Variants in CAMKK2 observed in about 807,000 individuals in gnomAD.
The protein encoded by CAMKK2 is calcium/calmodulin dependent protein kinase kinase 2.
A neutral mutation model predicts 67.2 loss-of-function variants in CAMKK2; 30 were observed. The observed-to-expected ratio is 0.45, with a 90% CI of 0.33 to 0.61. The LOEUF (loss-of-function observed/expected upper bound fraction) is 0.61, where lower values mean the gene tolerates loss of function less well. Among genes scored for constraint, CAMKK2 ranks in the 20% least tolerant of loss-of-function variants. The pLI is 0.02. For synonymous variants in CAMKK2, 322 were observed against 326.2 expected, an observed-to-expected ratio of 0.99 and a Z score of 0.14; for missense variants, 643 against 802.0, an observed-to-expected ratio of 0.80 and a Z score of 2.39.
chr12:121,282,340 T>G lies in CAMKK2; in HGVS notation c.-59-7755A>C, dbSNP rs114819775. Among the ~76,000 whole-genome samples, 1,040 of 152,306 alleles carry G rather than the reference T, an allele frequency of 6.8e-3. 9 individuals are homozygous for G. Among genetic ancestry groups the G allele is most frequent in the African/African-American group, 0.022 (895 of 41,560 alleles). ...CAGCCCAGGGCAATGCTACAGGGACTGGGCTCAGACCCTGCTGTGAGTTGA... is the reference window on the plus strand; with the variant it reads ...CAGCCCAGGGCAATGCTACAGGGACGGGGCTCAGACCCTGCTGTGAGTTGA... On this transcript the variant is annotated intron_variant, in intron 1 of 16. Coordinates refer to ENST00000404169, the MANE Select transcript of CAMKK2 (RefSeq NM_001270485.2).
At chr12:121,265,251 A>G (rs1314046832) in intron 5 of CAMKK2, among the ~76,000 whole-genome samples, 1 of 152,176 alleles carries the variant, frequency 6.6e-6, no homozygotes, top group Admixed American at 6.5e-5. Context: ...GCAAAGGCAG[A>G]AGTACAGGTG....
Position 121,253,252 on chromosome 12 carries a change from C to T in CAMKK2, c.1107+21G>A. On this transcript the variant is annotated intron_variant, in intron 10 of 16. Transcript: ENST00000404169. This position sits in a 1 kb window ranked among gnomAD's most constrained non-coding sequence, Gnocchi z 5.0. ...CACTAACACAGGCAGAACTCTGTGG[C>T]TGAGGCAGGCCCAAGCTTACCTTCC... 2.5e-6 allele frequency: 4 copies of T among 1,610,720 alleles called. No individual in the cohort carries two copies. The highest frequency in any genetic ancestry group is 3.4e-6 in the Non-Finnish European group (4 of 1,177,088).
rs1398057071 is a variant in CAMKK2 at position 121,250,349 on chromosome 12, T to C, written c.1162-315A>G. Among the ~76,000 whole-genome samples the C allele has an allele frequency of 4.6e-5, 7 of 152,268 alleles. No individual in the cohort carries two copies. The East Asian group carries it at 9.7e-4, about 21-fold the overall frequency. On this transcript the variant is annotated intron_variant, in intron 11 of 16. Transcript: ENST00000404169. ...AAAGCAAACACTGCTCGTCACCTAC[T>C]TGCCAGGTGAACAACAGGAACAACA...
chr12:121,255,514 C>A, intron 9 of CAMKK2, 36 bp downstream of exon 9: 1 of 1,546,778 alleles, frequency 6.5e-7, no homozygotes, highest in Non-Finnish European at 8.9e-7. Flanking sequence ...TGCTAACTAC[C>A]CACTGGGTGA....
At chr12:121,257,164 A>G (rs1566065283) in intron 7 of CAMKK2, among the ~76,000 whole-genome samples, 3 of 152,126 alleles carry the variant, frequency 2.0e-5, no homozygotes, top group Admixed American at 6.5e-5. Flanking sequence ...TGATGGGATT[A>G]TTATGCACTG....
chr12:121,255,501 G>T (rs375965744), intron 9 of CAMKK2, 49 bp downstream of exon 9: 4 of 1,496,744 alleles, frequency 2.7e-6, no homozygotes, highest in African/African-American at 1.4e-5. Flanking sequence ...CCCACGCTCA[G>T]AATGCTAACT....
intron 1 of CAMKK2, among the ~76,000 whole-genome samples, chr12:121,279,096 C>A (rs577858821): frequency 6.6e-6 from 1 of 152,348 alleles, no homozygotes; most frequent in Admixed American, 6.5e-5. Context: ...AACTCTACAC[C>A]AGGCCAAGGG....
chr12:121,297,719 C>A (rs1367086314), upstream of CAMKK2: 2 of 516,406 alleles, frequency 3.9e-6, no homozygotes, highest in Non-Finnish European at 7.7e-6. Context: ...GGAGAGTCAA[C>A]CTCCAAGTTA....
intron 2 of CAMKK2, among the ~76,000 whole-genome samples, chr12:121,271,883 T>C (rs1895848801): frequency 6.6e-6 from 1 of 152,130 alleles, no homozygotes. Flanking sequence ...AAATTCTTTG[T>C]ATTTTTAGTA....
chr12:121,255,618 G>T lies in CAMKK2; in HGVS notation c.839C>A (p.Thr280Asn), dbSNP rs1407341397. ...VNQGPVMEVP[T>N]LKPLSEDQAR... Reference sequence around the variant, plus strand: ...CTGGTCTTCAGAGAGTGGTTTGAGGGTGGGCACTTCCATCACGGGCCTGAA... The same window carrying T: ...CTGGTCTTCAGAGAGTGGTTTGAGGTTGGGCACTTCCATCACGGGCCTGAA... Residue 280 changes from threonine to asparagine, a missense_variant, in exon 9 of 17, where the codon ACC becomes AAC. By Grantham distance (65) the Thr-to-Asn change is moderately conservative (BLOSUM62 0). Around this residue, in one of 3 missense-constraint regions of CAMKK2, gnomAD observed 483 missense variants for 625.8 expected, o/e 0.77. Coordinates refer to ENST00000404169, the MANE Select transcript of CAMKK2 (RefSeq NM_001270485.2). The T allele has an allele frequency of 6.2e-7, 1 of 1,612,858 alleles. No homozygotes were observed. The highest frequency in any genetic ancestry group is 1.7e-5 in the Admixed American group (1 of 59,752).
chr12:121,284,992 C>T (rs1348641410), intron 1 of CAMKK2, among the ~76,000 whole-genome samples: 1 of 152,180 alleles, frequency 6.6e-6, no homozygotes, highest in African/African-American at 2.4e-5. Context: ...TTTCTTCTGT[C>T]CCAAGGCCAC....
At chr12:121,250,393 TTG>T (rs889696973) in intron 11 of CAMKK2, among the ~76,000 whole-genome samples, 1 of 152,062 alleles carries the variant, frequency 6.6e-6, no homozygotes, top group Admixed American at 6.5e-5. Context: ...ACAAAAGACT[TTG>T]TGTTATTTGT....
At position 121,285,799 on chromosome 12, in the gene CAMKK2, G is replaced by C. The variant is rs528564726; in HGVS notation, c.-60+10839C>G. Among the ~76,000 whole-genome samples the C allele has an allele frequency of 1.9e-3, 284 of 152,284 alleles. No individual in the cohort carries two copies. Among genetic ancestry groups the C allele is most frequent in the African/African-American group, 6.4e-3 (265 of 41,550 alleles). The stretch of plus-strand genomic sequence containing the variant: ...CGCACTCTAGCCTGGGTGACAGAGC[G>C]AGACCCTGTCTCAAAAAAGAGAGTA... On this transcript the variant is annotated intron_variant, in intron 1 of 16. Transcript: ENST00000404169. The surrounding 1 kb of genome is among the most constrained non-coding windows in gnomAD (Gnocchi z 4.1).
chr12:121,272,044 T>G (rs553957069), intron 2 of CAMKK2, among the ~76,000 whole-genome samples: 26 of 152,070 alleles, frequency 1.7e-4, no homozygotes, highest in African/African-American at 6.3e-4. Flanking sequence ...TCTTCCTATG[T>G]TGCCCAGGCT....
intron 16 of CAMKK2, chr12:121,243,614 C>T (rs200640450): frequency 3.2e-5 from 5 of 157,088 alleles, no homozygotes. Flanking sequence ...TTATACGAAA[C>T]GTCCAGAATA....
At chr12:121,261,484 A>C (rs1451531182) in intron 6 of CAMKK2, among the ~76,000 whole-genome samples, 1 of 152,084 alleles carries the variant, frequency 6.6e-6, no homozygotes, top group Non-Finnish European at 1.5e-5. Context: ...AGTCCCCCTG[A>C]TTCTTCCCTC....
rs532525256 is a variant in CAMKK2 at position 121,250,091 on chromosome 12, G to A, written c.1162-57C>T. On this transcript the variant is annotated intron_variant, in intron 11 of 16. Coordinates refer to ENST00000404169, the MANE Select transcript of CAMKK2 (RefSeq NM_001270485.2). ...AATGGCGGCCACATCTGCCCTTCGA[G>A]GGCCACCTGTGCTGTGCCACTCCAC... The A allele has an allele frequency of 1.4e-4, 193 of 1,361,854 alleles. No individual in the cohort carries two copies. In the African/African-American group the frequency reaches 2.5e-3, roughly 17 times the overall value. 84.4% of individuals were successfully genotyped at this position (1,361,854 alleles called of 1,614,324 possible). A position where few individuals can be genotyped will look rare whatever the true frequency, so the allele number is the denominator to read the frequency against.
At chr12:121,281,091 C>T (rs1151888) in intron 1 of CAMKK2, among the ~76,000 whole-genome samples, 2,601 of 152,304 alleles carry the variant, frequency 0.017, 71 homozygotes, top group African/African-American at 0.059. Flanking sequence ...CTCCCCCGGA[C>T]GCCCAGCTTT....
At chr12:121,287,248 C>G (rs902306412) in intron 1 of CAMKK2, among the ~76,000 whole-genome samples, 1 of 152,152 alleles carries the variant, frequency 6.6e-6, no homozygotes, top group Non-Finnish European at 1.5e-5. Context: ...AATCTCTAAT[C>G]CTGCCGTGCT....
Sources: allele counts gnomAD v4.1 joint callset (sites outside exome capture counted in the v4.1 genomes callset), GRCh38; gene constraint gnomAD v4.1.1; regional missense constraint gnomAD v4.1.1; non-coding constraint Gnocchi (gnomAD v3.1); transcripts MANE v1.5; gene names NCBI Gene and HGNC (gene_info 2026-07-23, HGNC 2026-07-21).